The following TM2D3 variants were observed in gnomAD, a reference collection of about 807,000 sequenced individuals.
TM2D3 encodes TM2 domain containing 3.
A neutral mutation model predicts 27.3 loss-of-function variants in TM2D3; 33 were observed. The ratio of observed to expected loss-of-function variants is 1.21; its 90% CI spans 0.92 to 1.61. TM2D3 has a LOEUF of 1.61. Among genes scored for constraint, TM2D3 ranks in the 40% most tolerant of loss-of-function variants. The probability of loss-of-function intolerance (pLI) is 0.00; values close to 1 mark genes in which losing one functional copy is unlikely to be tolerated. For synonymous variants in TM2D3, 138 were observed against 122.2 expected (o/e 1.13, Z -0.85); for missense variants, 364 against 320.8 (o/e 1.13, Z -1.03).
intron 2 of TM2D3, chr15:101,650,428 A>C: frequency 3.2e-6 from 1 of 307,776 alleles, no homozygotes; most frequent in Non-Finnish European, 5.9e-6. Flanking sequence ...CTCATATACA[A>C]ATAATGTATA....
chr15:101,645,081 G>A lies in TM2D3; in HGVS notation c.578+6C>T, dbSNP rs572493667. 6.2e-7 allele frequency: 1 copy of A among 1,611,582 alleles called. No homozygotes were observed. The highest frequency in any genetic ancestry group is 1.1e-5 in the South Asian group (1 of 90,250). ...GCCTTTTACACTTACGAGTAACAAG[G>A]CTTACCTTAGAGCCAGAGCCGTAGA... On this transcript the variant is annotated splice_donor_region_variant and intron_variant, in intron 5 of 5. Transcript: ENST00000333202.
At chr15:101,639,681 C>T (rs188103664), downstream of TM2D3, among the ~76,000 whole-genome samples, 31 of 152,152 alleles carry the variant, frequency 2.0e-4, no homozygotes, top group African/African-American at 6.5e-4. Flanking sequence ...TTTATACGCA[C>T]CATAAACCAG....
chr15:101,641,489 A>T (rs992004432), downstream of TM2D3, among the ~76,000 whole-genome samples: 4 of 152,266 alleles, frequency 2.6e-5, no homozygotes, highest in Non-Finnish European at 5.9e-5. Context: ...GATATTTTAT[A>T]GCTTCTAGAT....
At chr15:101,647,135 GAT>G (rs1213321569) in intron 3 of TM2D3, among the ~76,000 whole-genome samples, 1 of 152,238 alleles carries the variant, frequency 6.6e-6, no homozygotes, top group East Asian at 1.9e-4. Flanking sequence ...GAAAAAACTA[GAT>G]AAATTCACAT....
At chr15:101,637,267 T>C (rs1896571386), downstream of TM2D3, among the ~76,000 whole-genome samples, 2 of 152,228 alleles carry the variant, frequency 1.3e-5, no homozygotes, top group African/African-American at 2.4e-5. Flanking sequence ...GTTCTTATCA[T>C]GCAGATGAAG....
Position 101,651,679 on chromosome 15 carries a change from T to G in TM2D3, c.169+17A>C. 6.2e-7 allele frequency: 1 copy of G among 1,611,238 alleles called. No homozygotes were observed. Among genetic ancestry groups the G allele is most frequent in the South Asian group, 1.1e-5 (1 of 90,984 alleles). On this transcript the variant is annotated intron_variant, in intron 2 of 5. Transcript: ENST00000333202. ...AGATAACTACATGTATTTACTAGAA[T>G]AGAAAACGTCTAGTACCTGCTGCCC...
chr15:101,645,182 G>T lies in TM2D3; in HGVS notation c.503-20C>A. ...GGTTACCTTAAAAAAAAAAAAGAAA[G>T]AAAAATACAGGGTATAAAAAATACT... On this transcript the variant is annotated intron_variant, in intron 4 of 5. Transcript: ENST00000333202. The T allele has an allele frequency of 6.5e-7, 1 of 1,540,354 alleles. No individual in the cohort carries two copies. The highest frequency in any genetic ancestry group is 8.8e-7 in the Non-Finnish European group (1 of 1,130,636).
In TM2D3 at chr15:101,642,474, C is replaced by A; in HGVS notation, c.*5G>T. 6.2e-7 allele frequency: 1 copy of A among 1,604,438 alleles called. No individual in the cohort carries two copies. Among genetic ancestry groups the A allele is most frequent in the Non-Finnish European group, 8.5e-7 (1 of 1,174,608 alleles). ...CCCTGCTCCTTTCTGAAGCACACACCACAGCTAAATGTACAAAGAGCCATC... is the reference window on the plus strand; with the variant it reads ...CCCTGCTCCTTTCTGAAGCACACACAACAGCTAAATGTACAAAGAGCCATC... On this transcript the variant is annotated 3_prime_UTR_variant, in exon 6 of 6. Transcript: ENST00000333202.
At chr15:101,633,172 T>C (rs1210378873) in exon 5 of TM2D3, 1 of 152,400 alleles carries the variant, frequency 6.6e-6, no homozygotes, top group Non-Finnish European at 1.5e-5. Flanking sequence ...ATTTTTTTGC[T>C]GGAGGAAGTA....
chr15:101,642,534 A>C lies in TM2D3; in HGVS notation c.689T>G (p.Val230Gly). The change falls in exon 6 of 6, where the codon GTC becomes GGC. Residue 230 changes from valine to glycine, a missense_variant. Coordinates refer to ENST00000333202, the MANE Select transcript of TM2D3 (RefSeq NM_078474.3). ...AACATAGCCAACTCCAATGAGCAGG[A>C]CGTCTATCAGCGTCCATATTCCCAG... The part of the protein sequence containing the change: ...GGLGIWTLID[V>G]LLIGVGYVGP... 1 of 1,613,654 alleles carries C rather than the reference A, an allele frequency of 6.2e-7. No individual in the cohort carries two copies. The highest frequency in any genetic ancestry group is 8.5e-7 in the Non-Finnish European group (1 of 1,179,868).
In TM2D3 at chr15:101,642,106, T is replaced by C; in HGVS notation, c.*373A>G. 1 of 992,074 alleles carries C rather than the reference T, an allele frequency of 1.0e-6. No homozygotes were observed. The highest frequency in any genetic ancestry group is 1.2e-6 in the Non-Finnish European group (1 of 834,232). The allele number at this position is 992,074 out of a possible 1,614,324, so 61.5% of individuals were successfully genotyped here. A position where few individuals can be genotyped will look rare whatever the true frequency, so the allele number is the denominator to read the frequency against. On this transcript the variant is annotated 3_prime_UTR_variant, in exon 6 of 6. Coordinates refer to ENST00000333202, the MANE Select transcript of TM2D3 (RefSeq NM_078474.3). ...TAGCTAACAATAAAAACACTCCCAC[T>C]TCCTGCAGTCACAGCTGAAAGACTT...
chr15:101,640,115 A>G (rs1464046641), downstream of TM2D3, among the ~76,000 whole-genome samples: 1 of 152,170 alleles, frequency 6.6e-6, no homozygotes, highest in Non-Finnish European at 1.5e-5. Flanking sequence ...ATGGCTATCT[A>G]ATCATATCCC....
chr15:101,651,685 AC>A lies in TM2D3; in HGVS notation c.169+10del. 6.2e-7 allele frequency: 1 copy of A among 1,612,852 alleles called. No homozygotes were observed. The highest frequency in any genetic ancestry group is 2.2e-5 in the East Asian group (1 of 44,876). On this transcript the variant is annotated intron_variant, in intron 2 of 5. Transcript: ENST00000333202. ...CTACATGTATTTACTAGAATAGAAA[AC>A]GTCTAGTACCTGCTGCCCTGGGAAC...
At position 101,641,876 on chromosome 15, in the gene TM2D3, T is replaced by C. The variant is rs1896676974; in HGVS notation, c.*603A>G. On this transcript the variant is annotated 3_prime_UTR_variant, in exon 6 of 6. Coordinates refer to ENST00000333202, the MANE Select transcript of TM2D3 (RefSeq NM_078474.3). ...CTTAACTTGCAATTTTATTAATTTT[T>C]CAGTACTCTTACCTTTTATATACTA... The C allele has an allele frequency of 1.0e-6, 1 of 952,466 alleles. No homozygotes were observed. Among genetic ancestry groups the C allele is most frequent in the African/African-American group, 1.8e-5 (1 of 56,582 alleles). The allele number at this position is 952,466 out of a possible 1,614,324, so 59.0% of individuals were successfully genotyped here.
At chr15:101,635,960 C>T (rs952858999) in intron 4 of TM2D3, 11 of 151,802 alleles carry the variant, frequency 7.2e-5, no homozygotes, top group African/African-American at 2.2e-4. Context: ...GTTACTGAGC[C>T]GTTTCTTTTT....
chr15:101,642,517 CA>C lies in TM2D3; in HGVS notation c.705del (p.Gly236AlafsTer37). ...WTLIDVLLIG[V>X]GYVGPADGSL... ...GAGCCATCTGCTGGTCCAACATAGC[CA>C]ACTCCAATGAGCAGGACGTCTATCA... On this transcript the variant is annotated frameshift_variant, in exon 6 of 6. Transcript: ENST00000333202. LOFTEE classifies it high-confidence loss of function. 6.2e-7 allele frequency: 1 copy of C among 1,613,378 alleles called. No individual in the cohort carries two copies. The highest frequency in any genetic ancestry group is 8.5e-7 in the Non-Finnish European group (1 of 1,179,738).
At chr15:101,647,100 C>T (rs1896834409) in intron 3 of TM2D3, among the ~76,000 whole-genome samples, 1 of 152,138 alleles carries the variant, frequency 6.6e-6, no homozygotes, top group African/African-American at 2.4e-5. Flanking sequence ...CATAAAACTA[C>T]ACACCCAAAC....
intron 2 of TM2D3, chr15:101,650,999 G>A (rs1192845900): frequency 1.3e-5 from 2 of 152,336 alleles, no homozygotes; most frequent in African/African-American, 4.8e-5. Flanking sequence ...ATTCACTGAA[G>A]TAATGTCACT....
intron 5 of TM2D3, among the ~76,000 whole-genome samples, chr15:101,644,113 T>C (rs764495540): frequency 3.9e-4 from 60 of 152,324 alleles, no homozygotes; most frequent in Middle Eastern, 3.4e-3. Flanking sequence ...CCCAAAGCGC[T>C]GGGATTACAG....
Sources: gnomAD v4.1 joint callset for allele counts (sites outside exome capture counted in the v4.1 genomes callset) on GRCh38, gnomAD v4.1.1 for gene constraint, MANE v1.5 for transcripts, NCBI Gene and HGNC (gene_info 2026-07-23, HGNC 2026-07-21) for gene names.